The following ZNF883 variants were observed in gnomAD, a reference collection of about 807,000 sequenced individuals.
ZNF883 encodes zinc finger protein 883.
At chr9:113,003,663 A>C (rs919797590) in intron 2 of ZNF883, among the ~76,000 whole-genome samples, 7 of 152,120 alleles carry the variant, frequency 4.6e-5, no homozygotes, top group African/African-American at 1.7e-4. Flanking sequence ...CACAGATTCC[A>C]CTGCCCTCAA....
At chr9:112,990,764 T>G (rs927960437) in intron 1 of ZNF883, among the ~76,000 whole-genome samples, 4 of 151,840 alleles carry the variant, frequency 2.6e-5, no homozygotes, top group African/African-American at 9.7e-5. Flanking sequence ...TTTGTTGTTG[T>G]TGGTAGCTTA....
At chr9:113,005,610 A>C (rs75673100) in intron 2 of ZNF883, among the ~76,000 whole-genome samples, 231 of 152,290 alleles carry the variant, frequency 1.5e-3, no homozygotes, top group African/African-American at 5.5e-3. Flanking sequence ...TTACAACCAG[A>C]CCAGGTTCAT....
downstream of ZNF883, among the ~76,000 whole-genome samples, chr9:112,996,487 T>A (rs1277572996): frequency 6.6e-6 from 1 of 152,138 alleles, no homozygotes; most frequent in Non-Finnish European, 1.5e-5. Context: ...AAGATTTCTG[T>A]GTAATTCAAA....
downstream of ZNF883, among the ~76,000 whole-genome samples, chr9:112,995,606 C>T (rs1391597074): frequency 1.3e-5 from 2 of 151,834 alleles, no homozygotes; most frequent in Non-Finnish European, 2.9e-5. Flanking sequence ...CACACTAATA[C>T]ATGCTCATCA....
exon 1 of ZNF883, chr9:112,997,181 T>A (rs557356240): frequency 1.2e-6 from 2 of 1,613,430 alleles, no homozygotes; most frequent in South Asian, 2.2e-5. Context: ...GGATGTACTA[T>A]GACAAAAGAC....
At chr9:113,001,975 T>C (rs1032709175), upstream of ZNF883, 10 of 152,130 alleles carry the variant, frequency 6.6e-5, no homozygotes, top group African/African-American at 1.4e-4. Context: ...TATTTTGGCA[T>C]TGGAGAAACT....
At chr9:112,995,103 T>C (rs1327498409), downstream of ZNF883, among the ~76,000 whole-genome samples, 1 of 152,186 alleles carries the variant, frequency 6.6e-6, no homozygotes, top group Non-Finnish European at 1.5e-5. Context: ...TTTGAATGTG[T>C]TTCAAAGAAG....
chr9:113,003,164 T>C (rs1379029905), upstream of ZNF883, among the ~76,000 whole-genome samples: 1 of 152,210 alleles, frequency 6.6e-6, no homozygotes, highest in East Asian at 1.9e-4. Context: ...CAGGTGGAGA[T>C]AACTGAATCA....
chr9:113,010,713 C>T (rs1828526175), intron 2 of ZNF883, among the ~76,000 whole-genome samples: 1 of 152,084 alleles, frequency 6.6e-6, no homozygotes. Flanking sequence ...TTAGGCCGGG[C>T]ACGGTGACTC....
At chr9:112,996,249 T>A (rs529306219), downstream of ZNF883, among the ~76,000 whole-genome samples, 2 of 152,142 alleles carry the variant, frequency 1.3e-5, no homozygotes, top group Admixed American at 6.5e-5. Context: ...TTATTGCAAT[T>A]TTCTTTGTAA....
At chr9:112,996,807 A>G (rs1404222975), downstream of ZNF883, among the ~76,000 whole-genome samples, 4 of 149,848 alleles carry the variant, frequency 2.7e-5, no homozygotes, top group African/African-American at 9.8e-5. Flanking sequence ...AAAAAAAAAA[A>G]AAAAAAAAAA....
downstream of ZNF883, among the ~76,000 whole-genome samples, chr9:112,996,234 A>G (rs117013387): frequency 2.7e-3 from 407 of 152,312 alleles, 3 homozygotes; most frequent in Non-Finnish European, 5.0e-3. Flanking sequence ...TTTCCCTCTG[A>G]GAATTTATTG....
upstream of ZNF883, among the ~76,000 whole-genome samples, chr9:113,001,322 G>A (rs898693012): frequency 1.4e-4 from 21 of 152,130 alleles, no homozygotes; most frequent in African/African-American, 4.6e-4. Flanking sequence ...GCTGGTGAAC[G>A]GCAGAGAATG....
At chr9:113,011,440 T>C (rs1828538027) in intron 1 of ZNF883, among the ~76,000 whole-genome samples, 1 of 152,158 alleles carries the variant, frequency 6.6e-6, no homozygotes, top group Non-Finnish European at 1.5e-5. Flanking sequence ...AACTTTATCC[T>C]CCCATGATGG....
In ZNF883 at chr9:112,990,832, C is replaced by G. The variant is rs142297501; in HGVS notation, n.310-7253G>C. ...TATTCAGGGGTTCAACTTCCTGGTTCAGTCTTGGGAGGGTGTATGTGTCCA... is the reference window on the plus strand; with the variant it reads ...TATTCAGGGGTTCAACTTCCTGGTTGAGTCTTGGGAGGGTGTATGTGTCCA... On this transcript the variant is annotated intron_variant and non_coding_transcript_variant, in intron 1 of 9. Transcript: ENST00000638823. Among the ~76,000 whole-genome samples the G allele has an allele frequency of 9.2e-5, 14 of 152,038 alleles. No individual in the cohort carries two copies. In the East Asian group the frequency reaches 2.5e-3, roughly 27 times the overall value.
At chr9:112,991,601 T>C (rs1171690542) in intron 1 of ZNF883, among the ~76,000 whole-genome samples, 1 of 152,118 alleles carries the variant, frequency 6.6e-6, no homozygotes, top group Non-Finnish European at 1.5e-5. Context: ...TTATCAGGTC[T>C]GCTTGATCCA....
rs545482816 is a variant in ZNF883 at position 112,997,321 on chromosome 9, C to T, written n.939G>A. On this transcript the variant is annotated non_coding_transcript_exon_variant, in exon 1 of 1. Coordinates refer to ENST00000639662, the Ensembl canonical transcript of ZNF883. ...GGTAGGGTTTCTCTCCTGTATGCGTCCTCTGATGTCGAATTAGTGATGTTC... is the reference window on the plus strand; with the variant it reads ...GGTAGGGTTTCTCTCCTGTATGCGTTCTCTGATGTCGAATTAGTGATGTTC... The T allele has an allele frequency of 1.5e-5, 25 of 1,613,830 alleles. No homozygotes were observed. In the East Asian group the frequency reaches 4.9e-4, roughly 32 times the overall value.
At chr9:112,995,942 G>T (rs1488813736), downstream of ZNF883, among the ~76,000 whole-genome samples, 1 of 151,890 alleles carries the variant, frequency 6.6e-6, no homozygotes, top group Non-Finnish European at 1.5e-5. Context: ...TCTACCTTTT[G>T]TAACTATTTC....
upstream of ZNF883, among the ~76,000 whole-genome samples, chr9:113,001,710 T>G (rs1243033765): frequency 6.6e-6 from 1 of 152,194 alleles, no homozygotes; most frequent in African/African-American, 2.4e-5. Context: ...TTTCTCCATT[T>G]TTCCTTTGTT....
Sources: gnomAD v4.1 joint callset for allele counts (sites outside exome capture counted in the v4.1 genomes callset) on GRCh38, gnomAD v4.1.1 for gene constraint, MANE v1.5 for transcripts, NCBI Gene and HGNC (gene_info 2026-07-23, HGNC 2026-07-21) for gene names.